LCLAT1: variants seen among roughly 807,000 people sequenced by gnomAD.
LCLAT1 encodes the protein lysocardiolipin acyltransferase 1.
A neutral mutation model predicts 30.7 loss-of-function variants in LCLAT1; 11 were observed. That is an observed-to-expected ratio of 0.36 (90% CI 0.23 to 0.59). The LOEUF is 0.59. Among genes scored for constraint, LCLAT1 ranks in the 20% least tolerant of loss-of-function variants. The probability of loss-of-function intolerance (pLI) is 0.77; values close to 1 mark genes in which losing one functional copy is unlikely to be tolerated. For missense variants in LCLAT1, 402 were observed against 458.6 expected, an observed-to-expected ratio of 0.88 and a Z score of 1.13; for synonymous variants, 155 against 151.3, an observed-to-expected ratio of 1.02 and a Z score of -0.18.
At chr2:30,473,745 G>A (rs1348137984) in intron 1 of LCLAT1, among the ~76,000 whole-genome samples, 1 of 152,168 alleles carries the variant, frequency 6.6e-6, no homozygotes, top group African/African-American at 2.4e-5. Context: ...AGATGAGTGG[G>A]CAACAGGTTG....
intron 1 of LCLAT1, among the ~76,000 whole-genome samples, chr2:30,519,360 G>A (rs1256512841): frequency 1.3e-5 from 2 of 152,186 alleles, no homozygotes; most frequent in Non-Finnish European, 2.9e-5. Context: ...ATGCTCTGAT[G>A]TTGATGACAT....
At chr2:30,503,465 AT>A (rs1684496463) in intron 1 of LCLAT1, among the ~76,000 whole-genome samples, 2 of 152,176 alleles carry the variant, frequency 1.3e-5, no homozygotes, top group Admixed American at 6.5e-5. Flanking sequence ...ATAATAAGTA[AT>A]TTGAAAAGTA....
At chr2:30,625,922 T>C (rs72863019) in intron 5 of LCLAT1, among the ~76,000 whole-genome samples, 5,340 of 152,280 alleles carry the variant, frequency 0.035, 317 homozygotes, top group African/African-American at 0.12. Context: ...TCAAGGGCTC[T>C]TACGATACTT....
chr2:30,469,568 T>A (rs2148288833), intron 1 of LCLAT1, among the ~76,000 whole-genome samples: 1 of 147,030 alleles, frequency 6.8e-6, no homozygotes, highest in South Asian at 2.2e-4. Flanking sequence ...GGGCTACAGG[T>A]CTCTTCTTTT....
chr2:30,516,100 C>T (rs535245973), intron 1 of LCLAT1, among the ~76,000 whole-genome samples: 1 of 152,154 alleles, frequency 6.6e-6, no homozygotes, highest in Admixed American at 6.5e-5. Flanking sequence ...CTAAAATACC[C>T]GTTAAGCTAA....
chr2:30,593,602 T>C (rs1666791693), intron 5 of LCLAT1, among the ~76,000 whole-genome samples: 1 of 152,236 alleles, frequency 6.6e-6, no homozygotes, highest in South Asian at 2.1e-4. Context: ...ATTTGTATTT[T>C]GATAGGGATT....
intron 5 of LCLAT1, among the ~76,000 whole-genome samples, chr2:30,611,322 G>A (rs1245012258): frequency 6.6e-6 from 1 of 151,924 alleles, no homozygotes; most frequent in Non-Finnish European, 1.5e-5. Flanking sequence ...ACTATATAAT[G>A]TCCTAATTAT....
At chr2:30,513,466 A>G (rs772608956) in intron 1 of LCLAT1, among the ~76,000 whole-genome samples, 3 of 152,192 alleles carry the variant, frequency 2.0e-5, no homozygotes, top group Non-Finnish European at 4.4e-5. Flanking sequence ...TTTTGTGTGT[A>G]CTTTATTGAC....
chr2:30,623,330 GGGCAT>G (rs569540317), intron 5 of LCLAT1, among the ~76,000 whole-genome samples: 49 of 152,008 alleles, frequency 3.2e-4, no homozygotes, highest in African/African-American at 1.1e-3. Context: ...CTGGGATTAC[GGGCAT>G]GAGCCACCAC....
At chr2:30,523,737 G>A (rs139424210) in intron 1 of LCLAT1, among the ~76,000 whole-genome samples, 9 of 152,216 alleles carry the variant, frequency 5.9e-5, no homozygotes, top group East Asian at 1.9e-4. Flanking sequence ...GTGTGGTGGC[G>A]CGTGTCTGTA....
chr2:30,592,954 A>G (rs1310216216), intron 5 of LCLAT1, among the ~76,000 whole-genome samples: 1 of 152,196 alleles, frequency 6.6e-6, no homozygotes, highest in Non-Finnish European at 1.5e-5. Flanking sequence ...CCTTCTAGCT[A>G]TTTTAAATAT....
intron 1 of LCLAT1, among the ~76,000 whole-genome samples, chr2:30,498,860 G>A (rs1684235273): frequency 6.6e-6 from 1 of 152,178 alleles, no homozygotes; most frequent in Non-Finnish European, 1.5e-5. Context: ...AGGTAGAGTA[G>A]ACTGGAGAGA....
At chr2:30,543,548 A>G (rs983650298) in intron 3 of LCLAT1, among the ~76,000 whole-genome samples, 6 of 152,136 alleles carry the variant, frequency 3.9e-5, no homozygotes, top group African/African-American at 7.2e-5. Flanking sequence ...CAGTGAAGCC[A>G]TCTAAGCTTG....
intron 4 of LCLAT1, among the ~76,000 whole-genome samples, chr2:30,566,200 C>A (rs1290153533): frequency 3.3e-5 from 5 of 152,120 alleles, no homozygotes; most frequent in Non-Finnish European, 7.4e-5. Flanking sequence ...CACATTGTGA[C>A]TGTTTGTTTT....
At chr2:30,511,516 AAT>A (rs1304324731) in intron 1 of LCLAT1, among the ~76,000 whole-genome samples, 1 of 152,228 alleles carries the variant, frequency 6.6e-6, no homozygotes, top group Non-Finnish European at 1.5e-5. Flanking sequence ...ACATGTAGCT[AAT>A]GGCTGCAGTT....
At chr2:30,452,453 G>A (rs541751252) in intron 1 of LCLAT1, among the ~76,000 whole-genome samples, 238 of 151,752 alleles carry the variant, frequency 1.6e-3, no homozygotes, top group African/African-American at 5.4e-3. Context: ...AATTAAGGCC[G>A]TCACATCATG....
intron 5 of LCLAT1, among the ~76,000 whole-genome samples, chr2:30,624,493 T>C (rs1228572608): frequency 1.3e-5 from 2 of 152,134 alleles, no homozygotes; most frequent in Non-Finnish European, 2.9e-5. Flanking sequence ...AAACAAACTT[T>C]AAAGCAACAG....
chr2:30,543,838 G>A (rs932107374), intron 3 of LCLAT1, among the ~76,000 whole-genome samples: 3 of 151,394 alleles, frequency 2.0e-5, no homozygotes, highest in African/African-American at 7.3e-5. Flanking sequence ...ATCAGCTTTT[G>A]GTTTCATTGA....
At chr2:30,496,202 T>C (rs1326030866) in intron 1 of LCLAT1, among the ~76,000 whole-genome samples, 3 of 152,202 alleles carry the variant, frequency 2.0e-5, no homozygotes, top group African/African-American at 7.2e-5. Context: ...TCTGCCTCCA[T>C]GATCCAGTCA....
Sources: gnomAD v4.1 joint callset for allele counts (sites outside exome capture counted in the v4.1 genomes callset) on GRCh38, gnomAD v4.1.1 for gene constraint, MANE v1.5 for transcripts, NCBI Gene and HGNC (gene_info 2026-07-23, HGNC 2026-07-21) for gene names.